The following TPCN1 variants were observed in gnomAD, a reference collection of about 807,000 sequenced individuals.
TPCN1 encodes the protein two pore channel protein 1.
TPCN1 carries 52 observed loss-of-function variants against 108.8 expected under a neutral mutation model. The observed-to-expected ratio is 0.48, with a 90% confidence interval of 0.38 to 0.60. The LOEUF (loss-of-function observed/expected upper bound fraction) is 0.60. TPCN1 is among the 20% of genes least tolerant of loss of function. TPCN1 has a pLI of 0.00. For synonymous variants in TPCN1, 446 were observed against 433.7 expected (o/e 1.03, Z -0.35); for missense variants, 806 against 1,072.8 (o/e 0.75, Z 3.47).
chr12:113,248,144 C>G (rs953661492), intron 2 of TPCN1, among the ~76,000 whole-genome samples: 1 of 152,258 alleles, frequency 6.6e-6, no homozygotes, highest in Admixed American at 6.5e-5. Flanking sequence ...GCCCACTGCA[C>G]CCCGGGTGGA....
chr12:113,277,269 T>C lies in TPCN1; in HGVS notation c.1089T>C (p.Phe363=), dbSNP rs575615605. 19 of 1,613,974 alleles carry C rather than the reference T, an allele frequency of 1.2e-5. No individual in the cohort carries two copies. The South Asian group carries it at 1.8e-4, about 15-fold the overall frequency. Residue 363 remains phenylalanine, a synonymous_variant, in exon 12 of 28, where the codon TTT becomes TTC. Transcript: ENST00000335509. The part of the protein sequence containing the change: ...RRPAGISYRQ[F]EGLMRFYKPR... Reference sequence around the variant, plus strand: ...CTGCCGGCATCTCCTACAGGCAGTTTGAAGGCCTCATGCGCTTCTACAAGC... The same window carrying C: ...CTGCCGGCATCTCCTACAGGCAGTTCGAAGGCCTCATGCGCTTCTACAAGC...
intron 14 of TPCN1, among the ~76,000 whole-genome samples, chr12:113,279,317 ATGTGTGTG>A (rs139888878): frequency 3.6e-5 from 4 of 111,400 alleles, no homozygotes; most frequent in Admixed American, 1.1e-4. Context: ...GTATATATAT[ATGTGTGTG>A]TGTGTGTGTG....
chr12:113,221,636 C>A lies in TPCN1; in HGVS notation c.-126+10C>A. ...TGCTGGGGCGGCGCGTGTAAGAATC[C>A]GAGGGATGCGACGGCTTGGCCCGAG... On this transcript the variant is annotated intron_variant, in intron 1 of 27. Transcript: ENST00000335509. The A allele has an allele frequency of 5.6e-6, 1 of 178,408 alleles. No individual in the cohort carries two copies. The highest frequency in any genetic ancestry group is 1.1e-4 in the South Asian group (1 of 8,810). The allele number at this position is 178,408 out of a possible 1,614,324, so 11.1% of individuals were successfully genotyped here.
rs752033068 is a variant in TPCN1, at chr12:113,296,047, A to G, written c.2422A>G (p.Ser808Gly). 47 of 1,613,158 alleles carry G rather than the reference A, an allele frequency of 2.9e-5. No individual in the cohort carries two copies. The highest frequency in any genetic ancestry group is 3.7e-5 in the Non-Finnish European group (44 of 1,179,874). ...AAPAAQQPPG[S>G]RQRSQTVT Reference sequence around the variant, plus strand: ...CCCCGCCGCCCAGCAGCCCCCAGGCAGCCGCCAGCGCTCCCAGACCGTTAC... The same window carrying G: ...CCCCGCCGCCCAGCAGCCCCCAGGCGGCCGCCAGCGCTCCCAGACCGTTAC... Residue 808 changes from serine (S) to glycine (G), a missense_variant, in exon 28 of 28, where the codon AGC becomes GGC. Ser to Gly is a moderately conservative substitution (Grantham distance 56). Coordinates refer to ENST00000335509, the MANE Select transcript of TPCN1 (RefSeq NM_017901.6).
rs149343762 is a variant in TPCN1 at position 113,228,434 on chromosome 12, C to T, written c.112+1470C>T. On this transcript the variant is annotated intron_variant, in intron 2 of 27. Transcript: ENST00000335509. ...TTCAAGACCAACCTGGGCAACATAG[C>T]GAGACCTCGGCTGTACAAAAAAATT... is the stretch of plus-strand genomic sequence containing the variant. Among the ~76,000 whole-genome samples, 954 of 152,248 alleles carry T rather than the reference C, an allele frequency of 6.3e-3. 8 individuals are homozygous for T. Among genetic ancestry groups the T allele is most frequent in the African/African-American group, 0.021 (885 of 41,546 alleles).
intron 2 of TPCN1, among the ~76,000 whole-genome samples, chr12:113,229,247 C>A (rs974191596): frequency 3.3e-5 from 5 of 152,204 alleles, no homozygotes; most frequent in African/African-American, 1.2e-4. Flanking sequence ...TCCTGTACAG[C>A]ACATTAGTAT....
At position 113,288,936 on chromosome 12, in the gene TPCN1, G is replaced by C. The variant is rs1226124689; in HGVS notation, c.1796+89G>C. ...AGGATTGGTGTCCTTGTGGCCTTGG[G>C]GTCCTCGGGGATGTTCCTGTCTAAG... On this transcript the variant is annotated intron_variant, in intron 21 of 27. Transcript: ENST00000335509. The surrounding 1 kb of genome is among the most constrained non-coding windows in gnomAD (Gnocchi z 4.8). 7.6e-7 allele frequency: 1 copy of C among 1,322,752 alleles called. No homozygotes were observed. Among genetic ancestry groups the C allele is most frequent in the East Asian group, 2.3e-5 (1 of 43,550 alleles). 81.9% of individuals were successfully genotyped at this position (1,322,752 alleles called of 1,614,324 possible).
intron 2 of TPCN1, chr12:113,245,981 C>G (rs959473376): frequency 2.4e-5 from 11 of 455,980 alleles, no homozygotes; most frequent in African/African-American, 6.0e-5. Flanking sequence ...TCCGATGTGG[C>G]GTGCAAAGCA....
At chr12:113,257,821 A>G (rs1652872319) in intron 2 of TPCN1, among the ~76,000 whole-genome samples, 1 of 152,218 alleles carries the variant, frequency 6.6e-6, no homozygotes, top group Non-Finnish European at 1.5e-5. Context: ...AAGAAACAGA[A>G]TGAACTGTTG....
In TPCN1 at chr12:113,290,124, C is replaced by A; in HGVS notation, c.1797-4C>A. On this transcript the variant is annotated splice_region_variant and splice_polypyrimidine_tract_variant and intron_variant, in intron 21 of 27. Transcript: ENST00000335509. ...CCCTCCTTTCTCCCTTGTGCTCCGG[C>A]CAGCACGAGTACAGTGGCAGATGCC... 3 of 1,573,680 alleles carry A rather than the reference C, an allele frequency of 1.9e-6. No individual in the cohort carries two copies. The highest frequency in any genetic ancestry group is 2.3e-5 in the East Asian group (1 of 43,312).
rs115275001 is a variant in TPCN1 at position 113,291,570 on chromosome 12, A to C, written c.1960-39A>C. On this transcript the variant is annotated intron_variant, in intron 23 of 27. Transcript: ENST00000335509. ...CTGTGTAGACGGGGACCTGCCCTGC[A>C]TGGGCACCCCCTCACTGGCTGCTTC... The C allele has an allele frequency of 3.3e-3, 5,207 of 1,590,598 alleles. 114 individuals are homozygous for C. The African/African-American group carries it at 0.057, about 17-fold the overall frequency.
rs67516750 is a variant in TPCN1, at chr12:113,237,281, CTCTGTG to C, written c.112+10323_112+10328del. Among the ~76,000 whole-genome samples, 492 of 152,162 alleles carry C rather than the reference CTCTGTG, an allele frequency of 3.2e-3. 3 individuals carry two copies. The highest frequency in any genetic ancestry group is 4.7e-3 in the Non-Finnish European group (323 of 68,006). ...TAGGAGCCGGATTTGGCATTTTTCT[CTCTGTG>C]TCTGTCTCCCTGACCAGTCACTGAA... On this transcript the variant is annotated intron_variant, in intron 2 of 27. Coordinates refer to ENST00000335509, the MANE Select transcript of TPCN1 (RefSeq NM_017901.6).
chr12:113,295,527 G>A (rs1487562461), intron 27 of TPCN1, among the ~76,000 whole-genome samples: 1 of 151,718 alleles, frequency 6.6e-6, no homozygotes, highest in African/African-American at 2.4e-5. Flanking sequence ...AAATGTCAGA[G>A]TTTATAATCA....
At chr12:113,252,499 G>C (rs930387771) in intron 2 of TPCN1, among the ~76,000 whole-genome samples, 1 of 152,200 alleles carries the variant, frequency 6.6e-6, no homozygotes, top group African/African-American at 2.4e-5. Flanking sequence ...GGGTCTTCAC[G>C]GCAGCCGCTC....
chr12:113,245,974 G>T (rs1954365395), intron 2 of TPCN1: 1 of 456,116 alleles, frequency 2.2e-6, no homozygotes, highest in Non-Finnish European at 4.4e-6. Context: ...GGTCATTTCC[G>T]ATGTGGCGTG....
rs6489894 is a variant in TPCN1, at chr12:113,273,143, G to A, written c.784-89G>A. 1,312 of 1,178,684 alleles carry A rather than the reference G, an allele frequency of 1.1e-3. 20 individuals carry two copies. The African/African-American group carries it at 0.018, about 16-fold the overall frequency. The allele number at this position is 1,178,684 out of a possible 1,614,324, so 73.0% of individuals were successfully genotyped here. ...GAGAGATGCAAGAGCGGTCAAGGCAGGGCATGCCAGGTGGCCCATCACAGC... is the reference window on the plus strand; with the variant it reads ...GAGAGATGCAAGAGCGGTCAAGGCAAGGCATGCCAGGTGGCCCATCACAGC... On this transcript the variant is annotated intron_variant, in intron 8 of 27. Transcript: ENST00000335509. This position sits in a 1 kb window ranked among gnomAD's most constrained non-coding sequence, Gnocchi z 4.0.
At position 113,277,346 on chromosome 12, in the gene TPCN1, A is replaced by G; in HGVS notation, c.1166A>G (p.Asn389Ser). 6.2e-7 allele frequency: 1 copy of G among 1,614,174 alleles called. No individual in the cohort carries two copies. The highest frequency in any genetic ancestry group is 1.1e-5 in the South Asian group (1 of 91,090). The change falls in exon 12 of 28, where the codon AAC becomes AGC. Residue 389 changes from asparagine to serine, a missense_variant. Coordinates refer to ENST00000335509, the MANE Select transcript of TPCN1 (RefSeq NM_017901.6). The part of the protein sequence containing the change: ...RYLTFKALNQ[N>S]NTPLLSLKDF... Reference sequence around the variant, plus strand: ...CTTACCTTCAAGGCCCTGAATCAGAACAACACACCCCTGCTCAGGTAAGAG... The same window carrying G: ...CTTACCTTCAAGGCCCTGAATCAGAGCAACACACCCCTGCTCAGGTAAGAG...
chr12:113,222,268 C>T (rs1953267794), intron 1 of TPCN1, among the ~76,000 whole-genome samples: 2 of 152,184 alleles, frequency 1.3e-5, no homozygotes, highest in Admixed American at 1.3e-4. Flanking sequence ...AATGGTTAAG[C>T]AGGCAGGGTC....
At chr12:113,258,723 A>G (rs1292789748) in intron 2 of TPCN1, among the ~76,000 whole-genome samples, 3 of 152,038 alleles carry the variant, frequency 2.0e-5, no homozygotes, top group African/African-American at 7.2e-5. Context: ...TAAGACTGCA[A>G]TGAGCCATGC....
Sources: gnomAD v4.1 joint callset for allele counts (sites outside exome capture counted in the v4.1 genomes callset) on GRCh38, gnomAD v4.1.1 for gene constraint, Gnocchi (gnomAD v3.1) non-coding constraint, MANE v1.5 for transcripts, NCBI Gene and HGNC (gene_info 2026-07-23, HGNC 2026-07-21) for gene names.